Variants in CCDC170 observed in about 807,000 individuals in gnomAD.
The protein encoded by CCDC170 is coiled-coil domain-containing protein 170.
CCDC170 carries 69 observed loss-of-function variants against 72.6 expected under a neutral mutation model. That is an observed-to-expected ratio of 0.95 (90% CI 0.78 to 1.16). The LOEUF (loss-of-function observed/expected upper bound fraction) is 1.16, where lower values mean the gene tolerates loss of function less well. Among genes scored for constraint, CCDC170 ranks in the 50% most tolerant of loss-of-function variants. The pLI is 0.00. For synonymous variants in CCDC170, 300 were observed against 303.9 expected, an observed-to-expected ratio of 0.99 and a Z score of 0.13; for missense variants, 852 against 832.5, an observed-to-expected ratio of 1.02 and a Z score of -0.29.
chr6:151,494,184 A>C lies in CCDC170; in HGVS notation c.56A>C (p.Glu19Ala). The change falls in exon 1 of 11, where the codon GAG becomes GCG. Residue 19 changes from glutamate (E) to alanine (A), a missense_variant and splice_region_variant. Coordinates refer to ENST00000239374, the MANE Select transcript of CCDC170 (RefSeq NM_025059.4). ...CTGGGTGCCGCTTCGCCAGCGCCCG[A>C]GGTACGGTCCCAGCCGCCGGCCGCG... is the stretch of plus-strand genomic sequence containing the variant. ...IALGAASPAP[E>A]ETYDHLSEVP... 6.6e-7 allele frequency: 1 copy of C among 1,513,460 alleles called. No individual in the cohort carries two copies. The highest frequency in any genetic ancestry group is 8.8e-7 in the Non-Finnish European group (1 of 1,134,406). 93.8% of individuals were successfully genotyped at this position (1,513,460 alleles called of 1,614,324 possible).
intron 5 of CCDC170, among the ~76,000 whole-genome samples, chr6:151,568,852 T>A (rs1776176513): frequency 6.6e-6 from 1 of 152,240 alleles, no homozygotes; most frequent in South Asian, 2.1e-4. Flanking sequence ...AATATTCATG[T>A]AGTATGTTGT....
At chr6:151,544,819 C>A in intron 4 of CCDC170, 103 bp downstream of exon 4, 1 of 1,070,924 alleles carries the variant, frequency 9.3e-7, no homozygotes, top group Non-Finnish European at 1.4e-6. Flanking sequence ...AGGAGAATGG[C>A]ACAGTAGACC....
At chr6:151,591,806 A>C (rs1776540552) in intron 7 of CCDC170, among the ~76,000 whole-genome samples, 1 of 152,080 alleles carries the variant, frequency 6.6e-6, no homozygotes. Flanking sequence ...TGCATTAAAA[A>C]ATTTTAAAGA....
At chr6:151,533,680 A>G (rs1782529674) in intron 1 of CCDC170, among the ~76,000 whole-genome samples, 1 of 152,062 alleles carries the variant, frequency 6.6e-6, no homozygotes, top group Non-Finnish European at 1.5e-5. Context: ...AAAAAAAAAA[A>G]AAAATCATCA....
intron 1 of CCDC170, among the ~76,000 whole-genome samples, chr6:151,497,620 G>T (rs560940414): frequency 6.6e-6 from 1 of 152,248 alleles, no homozygotes; most frequent in South Asian, 2.1e-4. Context: ...TTTGGGGGAA[G>T]TTTACAAACA....
At chr6:151,539,332 A>C (rs56113753) in intron 3 of CCDC170, among the ~76,000 whole-genome samples, 3,713 of 152,202 alleles carry the variant, frequency 0.024, 140 homozygotes, top group African/African-American at 0.08. Context: ...CTCCACTGAA[A>C]CCACTCATTA....
intron 9 of CCDC170, among the ~76,000 whole-genome samples, chr6:151,614,934 T>C (rs1018497783): frequency 1.3e-5 from 2 of 152,322 alleles, no homozygotes; most frequent in Middle Eastern, 3.4e-3. Context: ...CTGGTAAAGT[T>C]AGAAGACGCT....
At chr6:151,547,499 G>T (rs1782794742) in intron 4 of CCDC170, among the ~76,000 whole-genome samples, 1 of 152,106 alleles carries the variant, frequency 6.6e-6, no homozygotes, top group Admixed American at 6.6e-5. Context: ...GAGAGATCAT[G>T]CAAATGTGAG....
At chr6:151,528,892 T>C (rs4870033) in intron 1 of CCDC170, among the ~76,000 whole-genome samples, 136,926 of 152,014 alleles carry the variant, frequency 0.9, 61,845 homozygotes, top group East Asian at 0.99. Flanking sequence ...AAAGTCTACC[T>C]TACAACCAAA....
intron 5 of CCDC170, among the ~76,000 whole-genome samples, chr6:151,557,797 A>T (rs187259066): frequency 6.6e-6 from 1 of 152,140 alleles, no homozygotes; most frequent in Non-Finnish European, 1.5e-5. Flanking sequence ...CATTTCCCTG[A>T]TGATCAGTGA....
rs368223749 is a variant in CCDC170 at position 151,618,151 on chromosome 6, C to A, written c.*4C>A. Reference sequence around the variant, plus strand: ...CCATTTACAGCTTCTTCATTGAACACTGTATCTCTTGAGAGAGGTGGCCAT... The same window carrying A: ...CCATTTACAGCTTCTTCATTGAACAATGTATCTCTTGAGAGAGGTGGCCAT... On this transcript the variant is annotated 3_prime_UTR_variant, in exon 11 of 11. Coordinates refer to ENST00000239374, the MANE Select transcript of CCDC170 (RefSeq NM_025059.4). 12 of 1,612,242 alleles carry A rather than the reference C, an allele frequency of 7.4e-6. No individual in the cohort carries two copies. The highest frequency in any genetic ancestry group is 1.0e-5 in the Non-Finnish European group (12 of 1,178,654).
chr6:151,604,563 G>A (rs1033099416), intron 9 of CCDC170, among the ~76,000 whole-genome samples: 1 of 152,138 alleles, frequency 6.6e-6, no homozygotes, highest in Non-Finnish European at 1.5e-5. Context: ...TCTTCGAATA[G>A]CTAGAAAAGA....
chr6:151,537,504 A>G (rs1039706837), intron 2 of CCDC170, among the ~76,000 whole-genome samples: 2 of 152,242 alleles, frequency 1.3e-5, no homozygotes, highest in Admixed American at 1.3e-4. Context: ...TTCTCTTTAT[A>G]TAAATCCTAT....
chr6:151,616,353 G>A (rs925342244), intron 10 of CCDC170, among the ~76,000 whole-genome samples: 11 of 152,070 alleles, frequency 7.2e-5, no homozygotes, highest in Non-Finnish European at 1.6e-4. Flanking sequence ...CCATCAGGAG[G>A]TCAGGCGTAA....
intron 9 of CCDC170, among the ~76,000 whole-genome samples, chr6:151,603,522 T>C (rs1776741441): frequency 6.6e-6 from 1 of 152,200 alleles, no homozygotes; most frequent in African/African-American, 2.4e-5. Context: ...TGGGGCAGAA[T>C]GGCAGAAGAT....
At chr6:151,567,864 T>A (rs1297080798) in intron 5 of CCDC170, among the ~76,000 whole-genome samples, 1 of 151,944 alleles carries the variant, frequency 6.6e-6, no homozygotes, top group Non-Finnish European at 1.5e-5. Context: ...ATCCCAGCAC[T>A]TTGGGAGGCC....
At chr6:151,596,643 A>C in intron 9 of CCDC170, 66 bp downstream of exon 9, 2 of 1,580,848 alleles carry the variant, frequency 1.3e-6, no homozygotes, top group Non-Finnish European at 1.7e-6. Context: ...ATGCAAAAGA[A>C]TGACAGCTTT....
chr6:151,572,670 G>GTTT (rs1776240252), intron 5 of CCDC170, among the ~76,000 whole-genome samples: 1 of 27,332 alleles, frequency 3.7e-5, no homozygotes, highest in Non-Finnish European at 7.2e-5. Context: ...TTTTTTTTTT[G>GTTT]ATGGAGTCTT....
At chr6:151,507,869 C>T (rs4870021) in intron 1 of CCDC170, among the ~76,000 whole-genome samples, 11,833 of 150,124 alleles carry the variant, frequency 0.079, 714 homozygotes, top group East Asian at 0.21. Context: ...TGCAGTGAGC[C>T]GAGATCGTGC....
Sources: gnomAD v4.1 joint callset for allele counts (sites outside exome capture counted in the v4.1 genomes callset) on GRCh38, gnomAD v4.1.1 for gene constraint, MANE v1.5 for transcripts, NCBI Gene and HGNC (gene_info 2026-07-23, HGNC 2026-07-21) for gene names.